The following IL1RAPL1 variants were observed in gnomAD, a reference collection of about 807,000 sequenced individuals.
IL1RAPL1 encodes the protein interleukin-1 receptor accessory protein-like 1.
In IL1RAPL1, 3 loss-of-function variants were observed where a neutral mutation model predicts 48.4. The ratio of observed to expected loss-of-function variants is 0.06; its 90% CI spans 0.03 to 0.16. The LOEUF (loss-of-function observed/expected upper bound fraction) is 0.16. Ranked by LOEUF, IL1RAPL1 falls within the 10% of genes least tolerant of loss-of-function variation. IL1RAPL1 has a pLI of 1.00. For synonymous variants in IL1RAPL1, 185 were observed against 187.7 expected, an observed-to-expected ratio of 0.99 and a Z score of 0.12; for missense variants, 349 against 530.6, an observed-to-expected ratio of 0.66 and a Z score of 3.36.
chrX:29,298,746 T>A (rs972346995), intron 3 of IL1RAPL1, among the ~76,000 whole-genome samples: 3 of 112,056 alleles, frequency 2.7e-5, no homozygotes, highest in African/African-American at 9.7e-5. Context: ...ATATTCCTAA[T>A]TCAGAACAGC....
rs141889097 is a variant in IL1RAPL1, at chrX:28,666,579, T to C, written c.-25+78532T>C. 7.8e-3 allele frequency among the ~76,000 whole-genome samples: 878 copies of C among 112,214 alleles called. 5 individuals are homozygous for C. Among genetic ancestry groups the C allele is most frequent in the African/African-American group, 0.027 (826 of 30,945 alleles). On this transcript the variant is annotated intron_variant, in intron 1 of 10. Transcript: ENST00000378993. ...AACTATTATTCTGTAAGTAGGACTA[T>C]ATTAAAGTGAAAAAGAGTAGCAAAG...
intron 1 of IL1RAPL1, among the ~76,000 whole-genome samples, chrX:28,633,368 T>A (rs141921566): frequency 9.0e-6 from 1 of 111,124 alleles, no homozygotes; most frequent in African/African-American, 3.3e-5. Context: ...ATCAATGAGG[T>A]TTGTAATTTT....
intron 5 of IL1RAPL1, among the ~76,000 whole-genome samples, chrX:29,536,005 A>T (rs1041539016): frequency 3.6e-5 from 4 of 112,175 alleles, no homozygotes; most frequent in African/African-American, 9.7e-5. Context: ...GTTGTATAAG[A>T]GCACAACCTA....
chrX:29,680,478 A>G (rs927687295), intron 6 of IL1RAPL1, among the ~76,000 whole-genome samples: 5 of 109,883 alleles, frequency 4.6e-5, no homozygotes, highest in Non-Finnish European at 7.6e-5. Context: ...GCATTGGCTC[A>G]GTGGCTGTTG....
chrX:28,905,409 G>C (rs1009525993), intron 2 of IL1RAPL1, among the ~76,000 whole-genome samples: 1 of 111,107 alleles, frequency 9.0e-6, no homozygotes, highest in Non-Finnish European at 1.9e-5. Context: ...TTTTCCTTTT[G>C]CCAGGGGATT....
At chrX:29,121,253 A>G (rs1222708951) in intron 2 of IL1RAPL1, among the ~76,000 whole-genome samples, 2 of 111,999 alleles carry the variant, frequency 1.8e-5, no homozygotes, top group African/African-American at 6.5e-5. Flanking sequence ...TAAAACAACA[A>G]AAAAAGAAAA....
At chrX:29,931,171 G>A (rs1157904624) in intron 8 of IL1RAPL1, among the ~76,000 whole-genome samples, 1 of 107,512 alleles carries the variant, frequency 9.3e-6, no homozygotes, top group African/African-American at 3.6e-5. Context: ...GGGGAGGGGG[G>A]ATTTTTTTTT....
chrX:29,092,207 A>G (rs1928106306), intron 2 of IL1RAPL1, among the ~76,000 whole-genome samples: 1 of 111,995 alleles, frequency 8.9e-6, no homozygotes, highest in Non-Finnish European at 1.9e-5. Flanking sequence ...AATTATTGCT[A>G]TGCAGCATAA....
chrX:28,815,882 T>A lies in IL1RAPL1; in HGVS notation c.82+26457T>A, dbSNP rs867480741. Reference sequence around the variant, plus strand: ...ATATATATATATATATATATATATATATAATTTTTTTCTTAACCATTCATC... The same window carrying A: ...ATATATATATATATATATATATATAAATAATTTTTTTCTTAACCATTCATC... On this transcript the variant is annotated intron_variant, in intron 2 of 10. Transcript: ENST00000378993. Among the ~76,000 whole-genome samples the A allele has an allele frequency of 5.7e-3, 432 of 75,515 alleles. 12 individuals carry two copies. The highest frequency in any genetic ancestry group is 0.02 in the African/African-American group (419 of 20,724). The allele number at this position is 75,515 out of a possible 115,157, so 65.6% of individuals were successfully genotyped here.
At chrX:29,791,380 T>C (rs768598192) in intron 6 of IL1RAPL1, among the ~76,000 whole-genome samples, 1 of 111,079 alleles carries the variant, frequency 9.0e-6, no homozygotes, top group African/African-American at 3.3e-5. Flanking sequence ...AAAAAATTAA[T>C]TTATTGAAGC....
chrX:29,691,762 A>C (rs1926780250), intron 6 of IL1RAPL1, among the ~76,000 whole-genome samples: 1 of 100,028 alleles, frequency 1.0e-5, no homozygotes, highest in South Asian at 5.1e-4. Flanking sequence ...AAAAAAAAAA[A>C]AAAAAAAAAA....
intron 2 of IL1RAPL1, among the ~76,000 whole-genome samples, chrX:29,234,128 C>T (rs1052271203): frequency 8.9e-6 from 1 of 111,925 alleles, no homozygotes; most frequent in African/African-American, 3.2e-5. Flanking sequence ...GAGCAGGGGA[C>T]CCAGTTAAAC....
Position 29,956,102 on chromosome X carries a change from T to C in IL1RAPL1, c.*282T>C, listed in dbSNP as rs1933416695. 3.0e-6 allele frequency: 1 copy of C among 332,736 alleles called. No homozygotes were observed. The highest frequency in any genetic ancestry group is 5.2e-6 in the Non-Finnish European group (1 of 191,931). 27.4% of individuals were successfully genotyped at this position (332,736 alleles called of 1,213,427 possible). ...TTTAAAGAAGAGACTGATGTGTAGA[T>C]AGAAAACCCTTTTTTTGCTTCATTA... On this transcript the variant is annotated 3_prime_UTR_variant, in exon 11 of 11. Transcript: ENST00000378993.
chrX:29,109,487 A>G (rs922023825), intron 2 of IL1RAPL1, among the ~76,000 whole-genome samples: 1 of 110,631 alleles, frequency 9.0e-6, no homozygotes, highest in Non-Finnish European at 1.9e-5. Flanking sequence ...TTTATTTTTT[A>G]GTAATATTAA....
intron 1 of IL1RAPL1, among the ~76,000 whole-genome samples, chrX:28,607,112 A>G (rs772667353): frequency 2.7e-4 from 29 of 109,094 alleles, no homozygotes; most frequent in Admixed American, 7.2e-4. Context: ...CTGATCATCT[A>G]GTTGCTTAGT....
At chrX:29,437,943 T>A (rs1934500769) in intron 5 of IL1RAPL1, among the ~76,000 whole-genome samples, 1 of 111,206 alleles carries the variant, frequency 9.0e-6, no homozygotes, top group Admixed American at 9.5e-5. Flanking sequence ...AGAGGTAGTA[T>A]AAGATTGATG....
At chrX:28,955,852 T>C (rs764888774) in intron 2 of IL1RAPL1, among the ~76,000 whole-genome samples, 1 of 51,624 alleles carries the variant, frequency 1.9e-5, no homozygotes, top group African/African-American at 1.0e-4. Context: ...TGGCATTGAA[T>C]CTTGGGCAGT....
In IL1RAPL1 at chrX:29,246,426, C is replaced by A. The variant is rs776185244; in HGVS notation, c.83-36512C>A. Among the ~76,000 whole-genome samples the A allele has an allele frequency of 1.2e-4, 13 of 110,246 alleles. No individual in the cohort carries two copies. In the South Asian group the frequency reaches 5.1e-3, roughly 43 times the overall value. On this transcript the variant is annotated intron_variant, in intron 2 of 10. Coordinates refer to ENST00000378993, the MANE Select transcript of IL1RAPL1 (RefSeq NM_014271.4). ...ATCTACCTCTCATCATCCTTCTAGT[C>A]ATGACTTCAAATTACCACCATGCTG... is the stretch of plus-strand genomic sequence containing the variant.
At chrX:29,628,693 TTTTC>T (rs758532202) in intron 5 of IL1RAPL1, among the ~76,000 whole-genome samples, 2 of 112,250 alleles carry the variant, frequency 1.8e-5, no homozygotes, top group Non-Finnish European at 3.8e-5. Context: ...TTCAAATTAA[TTTTC>T]TTTCTATCCC....
Sources: allele counts gnomAD v4.1 joint callset (sites outside exome capture counted in the v4.1 genomes callset), GRCh38; gene constraint gnomAD v4.1.1; transcripts MANE v1.5; gene names NCBI Gene and HGNC (gene_info 2026-07-23, HGNC 2026-07-21).